Variants in COL3A1 observed in about 807,000 individuals in gnomAD.
The protein encoded by COL3A1 is collagen alpha-1(III) chain.
A neutral mutation model predicts 200.9 loss-of-function variants in COL3A1; 46 were observed. The observed-to-expected ratio is 0.23, with a 90% CI of 0.18 to 0.29. The LOEUF (loss-of-function observed/expected upper bound fraction) is 0.29. Among genes scored for constraint, COL3A1 ranks in the 10% least tolerant of loss-of-function variants. The pLI is 1.00. For missense variants in COL3A1, 1,367 were observed against 1,917.6 expected (o/e 0.71, Z 5.36); for synonymous variants, 650 against 628.0 (o/e 1.03, Z -0.52).
In COL3A1 at chr2:188,997,377, C is replaced by T. The variant is rs769323072; in HGVS notation, c.1857C>T (p.Pro619=). ...ATGGTGAAACTGGACCTCAGGGACC[C>T]CCAGGGCCTACTGTAAGTTCACTCA... is the stretch of plus-strand genomic sequence containing the variant. ...GKNGETGPQG[P]PGPTGPGGDK... Residue 619 remains proline, a synonymous_variant, in exon 26 of 51, where the codon CCC becomes CCT. Transcript: ENST00000304636. 2 of 1,613,582 alleles carry T rather than the reference C, an allele frequency of 1.2e-6. No individual in the cohort carries two copies. Among genetic ancestry groups the T allele is most frequent in the Non-Finnish European group, 1.7e-6 (2 of 1,179,722 alleles).
chr2:189,010,581 T>G (rs925874826), intron 49 of COL3A1, 67 bp from the exon 50 acceptor site: 1 of 1,600,768 alleles, frequency 6.2e-7, no homozygotes, highest in African/African-American at 1.3e-5. Flanking sequence ...ATACACATAC[T>G]ACATGAATCC....
At position 188,995,708 on chromosome 2, in the gene COL3A1, G is replaced by C; in HGVS notation, c.1526G>C (p.Arg509Pro). ...ACTACTTAGGGTCCTGCTGGAGAGC[G>C]TGGTGCTCCAGGCCCTGCAGGGCCC... ...IPGEKGPAGERGAPGPAGPRG... is the reference protein window; with the variant it reads ...IPGEKGPAGEPGAPGPAGPRG... Residue 509 changes from arginine (R) to proline (P), a missense_variant, in exon 22 of 51, where the codon CGT becomes CCT. Coordinates refer to ENST00000304636, the MANE Select transcript of COL3A1 (RefSeq NM_000090.4). The C allele has an allele frequency of 1.3e-6, 2 of 1,557,896 alleles. No homozygotes were observed. The highest frequency in any genetic ancestry group is 2.4e-5 in the South Asian group (2 of 84,348).
chr2:188,990,501 T>C, intron 10 of COL3A1, 141 bp downstream of exon 10: 1 of 806,496 alleles, frequency 1.2e-6, no homozygotes, highest in South Asian at 1.6e-5. Context: ...CTACTAAGTT[T>C]GTTTGTTGAC....
chr2:188,997,675 A>G, intron 26 of COL3A1, 25 bp from the exon 27 acceptor site: 4 of 1,606,164 alleles, frequency 2.5e-6, no homozygotes, highest in Middle Eastern at 1.7e-4. Flanking sequence ...TGTTTACAAC[A>G]GAGTGTATCA....
chr2:188,997,453 C>A, intron 26 of COL3A1, 64 bp downstream of exon 26: 2 of 1,477,048 alleles, frequency 1.4e-6, no homozygotes, highest in Non-Finnish European at 1.9e-6. Context: ...AAGAATGCTT[C>A]AAAAATTACA....
chr2:188,997,588 C>T, intron 26 of COL3A1, 112 bp from the exon 27 acceptor site: 3 of 1,249,906 alleles, frequency 2.4e-6, no homozygotes, highest in Non-Finnish European at 2.3e-6. Context: ...CAGGTCCTCC[C>T]TTTTCTTCAC....
chr2:188,974,999 C>T (rs1418008551), intron 1 of COL3A1, among the ~76,000 whole-genome samples: 1 of 152,070 alleles, frequency 6.6e-6, no homozygotes, highest in Non-Finnish European at 1.5e-5. Context: ...AATAAGAATG[C>T]CTTTCAAATA....
At chr2:188,997,094 A>AGT in intron 24 of COL3A1, 71 bp from the exon 25 acceptor site, 1 of 1,059,120 alleles carries the variant, frequency 9.4e-7, no homozygotes, top group East Asian at 2.6e-5. Flanking sequence ...TGAGACATAT[A>AGT]TATATGAGAC....
Position 188,994,320 on chromosome 2 carries a change from G to A in COL3A1, c.1281G>A (p.Leu427=), listed in dbSNP as rs750476636. Residue 427 remains leucine, a synonymous_variant, in exon 18 of 51, where the codon CTG becomes CTA. Coordinates refer to ENST00000304636, the MANE Select transcript of COL3A1 (RefSeq NM_000090.4). This position sits in a 1 kb window ranked among gnomAD's most constrained non-coding sequence, Gnocchi z 4.5. Reference sequence around the variant, plus strand: ...CCGGTGCTAATGGTGCTCCTGGACTGCGAGGTGGTGCAGTAAGTTGCCTTG... The same window carrying A: ...CCGGTGCTAATGGTGCTCCTGGACTACGAGGTGGTGCAGTAAGTTGCCTTG... ...GPAGANGAPG[L]RGGAGEPGKN... The A allele has an allele frequency of 8.1e-6, 13 of 1,613,526 alleles. No individual in the cohort carries two copies. In the South Asian group the frequency reaches 1.3e-4, roughly 16 times the overall value.
At chr2:188,983,434 T>A (rs1687996335) in intron 1 of COL3A1, among the ~76,000 whole-genome samples, 1 of 151,946 alleles carries the variant, frequency 6.6e-6, no homozygotes, top group Non-Finnish European at 1.5e-5. Flanking sequence ...GTTTTGAAAT[T>A]CTTTTTGGTG....
chr2:188,988,001 C>A (rs187093110), intron 5 of COL3A1, 80 bp from the exon 6 acceptor site: 16 of 1,046,476 alleles, frequency 1.5e-5, no homozygotes, highest in Non-Finnish European at 2.3e-5. Flanking sequence ...TTTAACAATG[C>A]GAGTGTCATT....
intron 23 of COL3A1, 66 bp from the exon 24 acceptor site, chr2:188,996,331 CT>C: frequency 1.9e-5 from 22 of 1,132,832 alleles, no homozygotes; most frequent in East Asian, 2.6e-5. Flanking sequence ...CACACACATA[CT>C]ATATATATAG....
intron 47 of COL3A1, 64 bp downstream of exon 47, chr2:189,008,206 A>G (rs1688639592): frequency 4.4e-6 from 6 of 1,368,020 alleles, no homozygotes; most frequent in Non-Finnish European, 6.1e-6. Flanking sequence ...TCAGAAACAC[A>G]GCGCATTATG....
intron 6 of COL3A1, 112 bp from the exon 7 acceptor site, chr2:188,988,476 CTG>C: frequency 4.0e-6 from 3 of 752,508 alleles, no homozygotes; most frequent in Non-Finnish European, 6.8e-6. Flanking sequence ...TATTTATAAA[CTG>C]GAGTAAAATT....
chr2:188,996,266 GTGTGTATATATATATATGTATA>G (rs1164758516), intron 23 of COL3A1, 88 bp downstream of exon 23: 1 of 941,866 alleles, frequency 1.1e-6, no homozygotes, highest in Non-Finnish European at 1.6e-6. Flanking sequence ...GTGTGTGTGT[GTGTGTATATATATATATGTATA>G]TGTATATCTA....
chr2:188,993,980 AAT>A, intron 16 of COL3A1, 56 bp from the exon 17 acceptor site: 1 of 1,535,760 alleles, frequency 6.5e-7, no homozygotes, highest in Non-Finnish European at 9.0e-7. Context: ...AACAACTTCA[AAT>A]ATATACGAAC....
At position 188,993,439 on chromosome 2, in the gene COL3A1, G is replaced by A. The variant is rs1248348633; in HGVS notation, c.1129G>A (p.Ala377Thr). The A allele has an allele frequency of 1.2e-5, 19 of 1,556,540 alleles. No individual in the cohort carries two copies. Among genetic ancestry groups the A allele is most frequent in the Admixed American group, 7.7e-5 (4 of 51,618 alleles). The part of the protein sequence containing the change: ...QRGEPGPQGH[A>T]GAQGPPGPPG... ...AGGAGAACCTGGACCTCAGGGACAC[G>A]CTGGTGCTCAAGGTCCTCCTGTAAG... The change falls in exon 16 of 51, where the codon GCT becomes ACT. Residue 377 changes from alanine (A) to threonine (T), a missense_variant. Physicochemically the swap from Ala to Thr is moderately conservative, Grantham distance 58. Transcript: ENST00000304636.
Position 189,004,060 on chromosome 2 carries a change from C to T in COL3A1, c.2740C>T (p.Pro914Ser). 2 of 1,613,238 alleles carry T rather than the reference C, an allele frequency of 1.2e-6. No individual in the cohort carries two copies. Among genetic ancestry groups the T allele is most frequent in the Non-Finnish European group, 1.7e-6 (2 of 1,179,950 alleles). ...PPGPAGNTGA[P>S]GSPGVSGPKG... is the part of the protein sequence containing the mutation. ...AGGTCCTGCGGGTAACACTGGTGCT[C>T]CTGGCAGCCCTGGAGTGTCTGGACC... The change falls in exon 39 of 51, where the codon CCT becomes TCT. Residue 914 changes from proline (P) to serine (S), a missense_variant. By Grantham distance (74) the Pro-to-Ser change is moderately conservative. Transcript: ENST00000304636.
At chr2:189,006,520 A>T (rs1688589666) in intron 43 of COL3A1, 68 bp downstream of exon 43, 1 of 1,487,310 alleles carries the variant, frequency 6.7e-7, no homozygotes, top group Non-Finnish European at 9.3e-7. Context: ...TGTAGGTAGA[A>T]GGTAGAATGT....
Sources: allele counts gnomAD v4.1 joint callset (sites outside exome capture counted in the v4.1 genomes callset), GRCh38; gene constraint gnomAD v4.1.1; non-coding constraint Gnocchi (gnomAD v3.1); transcripts MANE v1.5; gene names NCBI Gene and HGNC (gene_info 2026-07-23, HGNC 2026-07-21).